Variants in TIPIN observed in about 807,000 individuals in gnomAD.
TIPIN encodes TIMELESS-interacting protein.
A neutral mutation model predicts 35.6 loss-of-function variants in TIPIN; 29 were observed. The ratio of observed to expected loss-of-function variants is 0.82; its 90% confidence interval spans 0.61 to 1.11. TIPIN has a LOEUF of 1.11. TIPIN is among the 50% of genes most tolerant of loss of function. The pLI is 0.00. For synonymous variants in TIPIN, 102 were observed against 121.5 expected (o/e 0.84, Z 1.06); for missense variants, 296 against 345.4 (o/e 0.86, Z 1.13).
chr15:66,350,609 A>G lies in TIPIN; in HGVS notation c.288+916T>C, dbSNP rs1197574913. On this transcript the variant is annotated intron_variant, in intron 4 of 7. Transcript: ENST00000261881. ...GACAAGGGCAAAACTTCATCTCAAAAAAACAAAAAAAAAAACACTTAATAA... is the reference window on the plus strand; with the variant it reads ...GACAAGGGCAAAACTTCATCTCAAAGAAACAAAAAAAAAAACACTTAATAA... Among the ~76,000 whole-genome samples the G allele has an allele frequency of 2.0e-5, 3 of 149,012 alleles. No homozygotes were observed. In the East Asian group the frequency reaches 6.0e-4, roughly 30 times the overall value.
intron 1 of TIPIN, among the ~76,000 whole-genome samples, chr15:66,370,746 GTTT>G (rs900396030): frequency 6.6e-6 from 1 of 152,044 alleles, no homozygotes; most frequent in Non-Finnish European, 1.5e-5. Context: ...CAATGAGCAA[GTTT>G]TTTTTATTTT....
intron 6 of TIPIN, among the ~76,000 whole-genome samples, chr15:66,346,109 G>T (rs2093123377): frequency 6.6e-6 from 1 of 151,916 alleles, no homozygotes; most frequent in African/African-American, 2.4e-5. Context: ...ACTACGCCAG[G>T]CTAATTTTTT....
intron 2 of TIPIN, 102 bp from the exon 3 acceptor site, chr15:66,352,309 CT>C: frequency 3.9e-5 from 36 of 913,242 alleles, no homozygotes; most frequent in South Asian, 7.2e-5. Flanking sequence ...CATGGGACAC[CT>C]TTTTTTGAAA....
chr15:66,355,693 G>A (rs1039238767), intron 1 of TIPIN, among the ~76,000 whole-genome samples: 3 of 152,124 alleles, frequency 2.0e-5, no homozygotes, highest in East Asian at 3.9e-4. Flanking sequence ...GGAGCTTGCA[G>A]TGAGCCGAGA....
chr15:66,370,787 A>G (rs2093275023), intron 1 of TIPIN, among the ~76,000 whole-genome samples: 1 of 152,212 alleles, frequency 6.6e-6, no homozygotes, highest in Admixed American at 6.6e-5. Context: ...TTTTCATAAT[A>G]AAAGAATAAA....
chr15:66,359,470 G>A (rs1185041787), upstream of TIPIN, among the ~76,000 whole-genome samples: 4 of 151,926 alleles, frequency 2.6e-5, no homozygotes, highest in Non-Finnish European at 5.9e-5. Flanking sequence ...TCAGCCACTC[G>A]AATATCTGGG....
rs2093085314 is a variant in TIPIN at position 66,341,352 on chromosome 15, T to G, written c.480A>C (p.Glu160Asp). 6.2e-7 allele frequency: 1 copy of G among 1,610,564 alleles called. No individual in the cohort carries two copies. The highest frequency in any genetic ancestry group is 1.7e-4 in the Middle Eastern group (1 of 6,052). ...CATCATGTTCATTATTCTCCGCAACTTCATCTGCAATAGAAAAGAAATAGT... is the reference window on the plus strand; with the variant it reads ...CATCATGTTCATTATTCTCCGCAACGTCATCTGCAATAGAAAAGAAATAGT... ...LHEDFVSNND[E>D]VAENNEHDVT... is the part of the protein sequence containing the mutation. Residue 160 changes from glutamate (E) to aspartate (D), a missense_variant, in exon 7 of 8, where the codon GAA becomes GAC. By Grantham distance (45) the Glu-to-Asp change is conservative. Transcript: ENST00000261881.
chr15:66,382,612 T>C (rs1300540664), intron 1 of TIPIN, among the ~76,000 whole-genome samples: 1 of 152,044 alleles, frequency 6.6e-6, no homozygotes, highest in Non-Finnish European at 1.5e-5. Context: ...TGGGCTCAAG[T>C]CATCCACCTG....
chr15:66,378,951 G>T (rs1224416465), intron 1 of TIPIN, among the ~76,000 whole-genome samples: 1 of 152,086 alleles, frequency 6.6e-6, no homozygotes, highest in Non-Finnish European at 1.5e-5. Flanking sequence ...AAGAAATGGG[G>T]GTCTCACTAT....
At chr15:66,362,946 C>T (rs1242964087) in intron 1 of TIPIN, among the ~76,000 whole-genome samples, 1 of 152,092 alleles carries the variant, frequency 6.6e-6, no homozygotes, top group Admixed American at 6.6e-5. Context: ...TATACTTGCC[C>T]CCACCTGTAC....
intron 6 of TIPIN, 42 bp from the exon 7 acceptor site, chr15:66,341,398 G>A: frequency 6.5e-7 from 1 of 1,527,582 alleles, no homozygotes; most frequent in Non-Finnish European, 8.9e-7. Flanking sequence ...TGTTAGACTA[G>A]TTAGAGAAGG....
rs567833629 is a variant in TIPIN, at chr15:66,337,236, G to A, written c.683-55C>T. The A allele has an allele frequency of 4.2e-5, 61 of 1,455,244 alleles. 1 individual carries two copies. The Middle Eastern group carries it at 8.9e-4, about 21-fold the overall frequency. 90.1% of individuals were successfully genotyped at this position (1,455,244 alleles called of 1,614,324 possible). A position where few individuals can be genotyped will look rare whatever the true frequency, so the allele number is the denominator to read the frequency against. The stretch of plus-strand genomic sequence containing the variant: ...TATAAGTACCTGATCCAATCTTACC[G>A]CATGAGTACAAACCTCTTCAAAAGC... On this transcript the variant is annotated intron_variant, in intron 7 of 7. Transcript: ENST00000261881.
intron 1 of TIPIN, among the ~76,000 whole-genome samples, chr15:66,369,217 T>C (rs561350427): frequency 1.3e-5 from 2 of 152,274 alleles, no homozygotes; most frequent in African/African-American, 2.4e-5. Flanking sequence ...ATCATTATAA[T>C]AACAAGTTTA....
intron 7 of TIPIN, 50 bp from the exon 8 acceptor site, chr15:66,337,231 T>A (rs773383174): frequency 1.3e-6 from 2 of 1,501,002 alleles, no homozygotes; most frequent in Non-Finnish European, 1.8e-6. Flanking sequence ...TGATCCAATC[T>A]TACCGCATGA....
intron 4 of TIPIN, among the ~76,000 whole-genome samples, chr15:66,350,617 A>AC (rs1233314527): frequency 2.7e-5 from 4 of 150,250 alleles, no homozygotes; most frequent in African/African-American, 9.8e-5. Flanking sequence ...AAAAAACAAA[A>AC]AAAAAAACAC....
chr15:66,366,751 A>C (rs1325664436), intron 1 of TIPIN: 7 of 888,928 alleles, frequency 7.9e-6, no homozygotes, highest in Non-Finnish European at 9.4e-6. Flanking sequence ...TGGGCAACAA[A>C]GTAAGACTCC....
chr15:66,371,930 G>C (rs919895191), intron 1 of TIPIN, among the ~76,000 whole-genome samples: 12 of 152,110 alleles, frequency 7.9e-5, no homozygotes, highest in African/African-American at 2.9e-4. Flanking sequence ...GAGTAGGTGG[G>C]ACTACAGGCA....
At chr15:66,347,170 C>T in intron 6 of TIPIN, 1 of 488,904 alleles carries the variant, frequency 2.0e-6, no homozygotes, top group Non-Finnish European at 4.1e-6. Context: ...CCTGTATTTT[C>T]TTCCACATCT....
chr15:66,379,658 C>T lies in TIPIN; in HGVS notation c.-9+6949G>A, dbSNP rs1595823128. On this transcript the variant is annotated intron_variant, in intron 1 of 7. Transcript: ENST00000562124. ...CAGACCTCATCTTGTAACGGAAGCCCAGTGTAACACCCTTGATCATGTTCT... is the reference window on the plus strand; with the variant it reads ...CAGACCTCATCTTGTAACGGAAGCCTAGTGTAACACCCTTGATCATGTTCT... 6 of 1,610,940 alleles carry T rather than the reference C, an allele frequency of 3.7e-6. No homozygotes were observed. In the East Asian group the frequency reaches 1.3e-4, roughly 36 times the overall value.
Sources: gnomAD v4.1 joint callset for allele counts (sites outside exome capture counted in the v4.1 genomes callset) on GRCh38, gnomAD v4.1.1 for gene constraint, MANE v1.5 for transcripts, NCBI Gene and HGNC (gene_info 2026-07-23, HGNC 2026-07-21) for gene names.